The following NELL1 variants were observed in gnomAD, a reference collection of about 807,000 sequenced individuals.
NELL1 encodes the protein neural EGFL like 1, also known as protein kinase C-binding protein NELL1.
A neutral mutation model predicts 107.4 loss-of-function variants in NELL1; 76 were observed. The observed-to-expected ratio is 0.71, with a 90% CI of 0.59 to 0.86. The LOEUF (loss-of-function observed/expected upper bound fraction) is 0.86, where lower values mean the gene tolerates loss of function less well. NELL1 is among the 40% of genes least tolerant of loss of function. NELL1 has a pLI of 0.00. For synonymous variants in NELL1, 353 were observed against 341.2 expected, an observed-to-expected ratio of 1.03 and a Z score of -0.38; for missense variants, 1,024 against 1,005.5, an observed-to-expected ratio of 1.02 and a Z score of -0.25.
intron 15 of NELL1, among the ~76,000 whole-genome samples, chr11:21,487,815 T>A (rs1239195527): frequency 6.6e-6 from 1 of 151,942 alleles, no homozygotes; most frequent in Non-Finnish European, 1.5e-5. Context: ...ACAAGTAAAC[T>A]GAAAATAAAA....
rs1564960979 is a variant in NELL1, at chr11:21,560,313, A to AG, written c.1917dup (p.Leu640AlafsTer33). On this transcript the variant is annotated frameshift_variant, in exon 17 of 20. Coordinates refer to ENST00000357134, the MANE Select transcript of NELL1 (RefSeq NM_006157.5). LOFTEE classifies it high-confidence loss of function. ...CCTGCTCTGGTGACTGTCCTCATGAAGGGGGGCTGAAGCACAATGGCCAGG... is the reference window on the plus strand; with the variant it reads ...CCTGCTCTGGTGACTGTCCTCATGAAGGGGGGGCTGAAGCACAATGGCCAGG... 4.3e-6 allele frequency: 7 copies of AG among 1,613,022 alleles called. No homozygotes were observed. The highest frequency in any genetic ancestry group is 2.2e-5 in the East Asian group (1 of 44,702).
intron 14 of NELL1, among the ~76,000 whole-genome samples, chr11:21,333,458 C>A (rs575414364): frequency 6.6e-6 from 1 of 152,110 alleles, no homozygotes; most frequent in Middle Eastern, 3.4e-3. Context: ...TTTGAGTAGA[C>A]AAGGATGAAG....
intron 17 of NELL1, among the ~76,000 whole-genome samples, chr11:21,563,425 C>T (rs1856896768): frequency 6.6e-6 from 1 of 151,964 alleles, no homozygotes; most frequent in Admixed American, 6.6e-5. Flanking sequence ...GAGCTATGAA[C>T]AATTTGCTGT....
At chr11:21,217,995 G>T (rs1857659947) in intron 13 of NELL1, among the ~76,000 whole-genome samples, 1 of 152,148 alleles carries the variant, frequency 6.6e-6, no homozygotes, top group Non-Finnish European at 1.5e-5. Flanking sequence ...GATAATGACT[G>T]TTTAATTAGT....
At chr11:21,388,202 G>A (rs188509252) in intron 15 of NELL1, among the ~76,000 whole-genome samples, 22 of 151,556 alleles carry the variant, frequency 1.5e-4, no homozygotes, top group African/African-American at 5.3e-4. Flanking sequence ...AGATGACATT[G>A]TAATACCTGT....
chr11:20,891,959 G>T (rs1440230940), intron 5 of NELL1, among the ~76,000 whole-genome samples: 1 of 152,148 alleles, frequency 6.6e-6, no homozygotes, highest in Non-Finnish European at 1.5e-5. Flanking sequence ...AGATCAACGA[G>T]ACAGAAAATT....
At chr11:21,311,740 T>C (rs753168863) in intron 14 of NELL1, among the ~76,000 whole-genome samples, 40 of 152,168 alleles carry the variant, frequency 2.6e-4, no homozygotes, top group Non-Finnish European at 5.7e-4. Flanking sequence ...GAGCACCTAC[T>C]ATATGTGCCA....
intron 15 of NELL1, among the ~76,000 whole-genome samples, chr11:21,492,646 C>G (rs1400794397): frequency 6.8e-6 from 1 of 147,504 alleles, no homozygotes; most frequent in African/African-American, 2.5e-5. Context: ...ATCGCAAGGA[C>G]AAAAAACCAA....
intron 10 of NELL1, among the ~76,000 whole-genome samples, chr11:20,939,799 G>A (rs547463605): frequency 3.0e-4 from 46 of 152,296 alleles, no homozygotes; most frequent in African/African-American, 1.0e-3. Flanking sequence ...GAACATTCAG[G>A]AGGAGGAACA....
At chr11:21,075,390 T>A (rs1032922780) in intron 12 of NELL1, among the ~76,000 whole-genome samples, 11 of 152,182 alleles carry the variant, frequency 7.2e-5, no homozygotes, top group Non-Finnish European at 1.2e-4. Context: ...CTGTTTTTAC[T>A]ATAATATCAC....
At chr11:20,822,770 G>A (rs1302268305) in intron 3 of NELL1, among the ~76,000 whole-genome samples, 2 of 152,160 alleles carry the variant, frequency 1.3e-5, no homozygotes, top group Non-Finnish European at 2.9e-5. Context: ...GTGCAGGATG[G>A]GGAGGTAAAG....
intron 3 of NELL1, among the ~76,000 whole-genome samples, chr11:20,835,107 T>A: frequency 6.6e-6 from 1 of 152,166 alleles, no homozygotes. Context: ...TTTTCCCCAC[T>A]CCTGAAGCAC....
At chr11:21,385,174 AG>A (rs1554903218) in intron 15 of NELL1, among the ~76,000 whole-genome samples, 3 of 151,812 alleles carry the variant, frequency 2.0e-5, no homozygotes, top group Non-Finnish European at 4.4e-5. Context: ...CTGACACAAT[AG>A]TACTTTTCGT....
chr11:20,933,162 G>T (rs953917054), intron 9 of NELL1, among the ~76,000 whole-genome samples: 1 of 152,228 alleles, frequency 6.6e-6, no homozygotes, highest in African/African-American at 2.4e-5. Context: ...GGTGGTGGGG[G>T]ATATGGGACT....
At chr11:20,900,058 C>T (rs899954746) in intron 5 of NELL1, among the ~76,000 whole-genome samples, 8 of 152,128 alleles carry the variant, frequency 5.3e-5, no homozygotes, top group Admixed American at 2.6e-4. Flanking sequence ...GCAATTTGAG[C>T]TGGGCTTACT....
At chr11:21,364,410 CAAAAAAA>C (rs71034511) in intron 14 of NELL1, among the ~76,000 whole-genome samples, 1 of 75,634 alleles carries the variant, frequency 1.3e-5, no homozygotes, top group Non-Finnish European at 2.2e-5. Flanking sequence ...GACTCTGTCT[CAAAAAAA>C]AAAAAAAAAA....
intron 12 of NELL1, among the ~76,000 whole-genome samples, chr11:21,021,289 G>A (rs1852695298): frequency 6.6e-6 from 1 of 151,198 alleles, no homozygotes; most frequent in Non-Finnish European, 1.5e-5. Flanking sequence ...GGGGGTGGGG[G>A]TGGGGTGTGA....
intron 14 of NELL1, among the ~76,000 whole-genome samples, chr11:21,250,870 T>A (rs552690578): frequency 1.3e-5 from 2 of 152,176 alleles, no homozygotes; most frequent in Non-Finnish European, 2.9e-5. Context: ...AGGGGATCAG[T>A]AGCTCAGCAT....
chr11:20,902,105 AT>A (rs1009253696), intron 5 of NELL1, among the ~76,000 whole-genome samples: 3 of 152,048 alleles, frequency 2.0e-5, no homozygotes, highest in Admixed American at 6.6e-5. Flanking sequence ...CTCAGTCAGG[AT>A]AGAGAAGTTC....
Sources: allele counts gnomAD v4.1 joint callset (sites outside exome capture counted in the v4.1 genomes callset), GRCh38; gene constraint gnomAD v4.1.1; transcripts MANE v1.5; gene names NCBI Gene and HGNC (gene_info 2026-07-23, HGNC 2026-07-21).